Variants in STEEP1 observed in about 807,000 individuals in gnomAD.
STEEP1 encodes the protein STING1 ER exit protein 1.
In STEEP1, 3 loss-of-function variants were observed where a neutral mutation model predicts 19.2. That is an observed-to-expected ratio of 0.16 (90% CI 0.07 to 0.40). The LOEUF is 0.40. Ranked by LOEUF, STEEP1 falls within the 10% of genes least tolerant of loss-of-function variation. The pLI, the probability that STEEP1 is intolerant of heterozygous loss-of-function variation, is 0.99. For missense variants in STEEP1, 54 were observed against 177.1 expected (o/e 0.30, Z 3.94); for synonymous variants, 46 against 63.7 (o/e 0.72, Z 1.32).
At chrX:119,548,760 C>T (rs1221341253) in intron 2 of STEEP1, among the ~76,000 whole-genome samples, 1 of 111,206 alleles carries the variant, frequency 9.0e-6, no homozygotes, top group Non-Finnish European at 1.9e-5. Flanking sequence ...GATATGTGCA[C>T]TCTCATGCTC....
At chrX:119,558,378 C>CA (rs1459215565) in intron 2 of STEEP1, among the ~76,000 whole-genome samples, 4 of 108,777 alleles carry the variant, frequency 3.7e-5, no homozygotes, top group African/African-American at 1.3e-4. Context: ...ACTAAAAATA[C>CA]AAAAAAAAAT....
chrX:119,550,143 A>G (rs2053233613), intron 2 of STEEP1, among the ~76,000 whole-genome samples: 1 of 112,460 alleles, frequency 8.9e-6, no homozygotes, highest in Non-Finnish European at 1.9e-5. Context: ...TATTCCTCGA[A>G]TGAATTTCCA....
At chrX:119,540,564 TAC>T (rs1053783655) in intron 6 of STEEP1, among the ~76,000 whole-genome samples, 7 of 112,147 alleles carry the variant, frequency 6.2e-5, no homozygotes. Context: ...GGCACCATCA[TAC>T]ACAGATCCAT....
In STEEP1 at chrX:119,544,573, G is replaced by C. The variant is rs1020444790; in HGVS notation, c.285-82C>G. 1.2e-4 allele frequency: 116 copies of C among 953,797 alleles called. 1 individual carries two copies. Among genetic ancestry groups the C allele is most frequent in the Non-Finnish European group, 1.6e-4 (112 of 680,818 alleles). 78.6% of individuals were successfully genotyped at this position (953,797 alleles called of 1,213,427 possible). On this transcript the variant is annotated intron_variant, in intron 3 of 6. Coordinates refer to ENST00000644802, the MANE Select transcript of STEEP1 (RefSeq NM_022101.4). ...AATTTGCAAAGTGTGCTTAGACTCTGGGAATATTTCTGTTTGTGGCATAAA... is the reference window on the plus strand; with the variant it reads ...AATTTGCAAAGTGTGCTTAGACTCTCGGAATATTTCTGTTTGTGGCATAAA...
In STEEP1 at chrX:119,554,172, C is replaced by T. The variant is rs772910556; in HGVS notation, c.242+6096G>A. Among the ~76,000 whole-genome samples, 5 of 112,261 alleles carry T rather than the reference C, an allele frequency of 4.5e-5. No individual in the cohort carries two copies. The South Asian group carries it at 1.5e-3, about 33-fold the overall frequency. The stretch of plus-strand genomic sequence containing the variant: ...AAAACAAAACATTCTCGGCCGGGCA[C>T]GGTGGCTCACGCCTGTAATCCCAGC... On this transcript the variant is annotated intron_variant, in intron 2 of 6. Transcript: ENST00000644802.
intron 1 of STEEP1, among the ~76,000 whole-genome samples, chrX:119,562,347 C>T (rs2053325796): frequency 9.0e-6 from 1 of 111,385 alleles, no homozygotes; most frequent in African/African-American, 3.3e-5. Flanking sequence ...GCCTGACCAA[C>T]ATGGAGAAAC....
chrX:119,564,260 G>A (rs2053341221), intron 1 of STEEP1, among the ~76,000 whole-genome samples: 1 of 111,710 alleles, frequency 9.0e-6, no homozygotes, highest in Non-Finnish European at 1.9e-5. Context: ...ACCTTGGGAG[G>A]CCGAGGCGGG....
intron 1 of STEEP1, among the ~76,000 whole-genome samples, chrX:119,562,141 A>C (rs1437968017): frequency 8.9e-6 from 1 of 112,542 alleles, no homozygotes; most frequent in South Asian, 3.7e-4. Context: ...TCACGCCTGT[A>C]ATCCCAGCAC....
chrX:119,553,164 A>G (rs1293975153), intron 2 of STEEP1, among the ~76,000 whole-genome samples: 10 of 107,880 alleles, frequency 9.3e-5, no homozygotes, highest in African/African-American at 3.3e-4. Context: ...AAAAAAAAAA[A>G]AAGTGGAAAA....
chrX:119,557,338 C>T (rs895088040), intron 2 of STEEP1, among the ~76,000 whole-genome samples: 1 of 107,732 alleles, frequency 9.3e-6, no homozygotes, highest in Non-Finnish European at 1.9e-5. Context: ...TGGCTCATGC[C>T]TGTGATCCCA....
chrX:119,546,269 C>T (rs959044514), intron 2 of STEEP1, among the ~76,000 whole-genome samples: 2 of 109,139 alleles, frequency 1.8e-5, no homozygotes, highest in South Asian at 3.9e-4. Context: ...GGGGAAACTC[C>T]GTCTCTACTA....
At chrX:119,549,290 T>C (rs2053228698) in intron 2 of STEEP1, among the ~76,000 whole-genome samples, 3 of 112,041 alleles carry the variant, frequency 2.7e-5, no homozygotes, top group Admixed American at 9.6e-5. Flanking sequence ...GTGGTGATCA[T>C]TTCACAGTGT....
chrX:119,564,415 GA>G (rs1478371988), intron 1 of STEEP1, among the ~76,000 whole-genome samples: 2 of 101,789 alleles, frequency 2.0e-5, no homozygotes, highest in Non-Finnish European at 4.0e-5. Flanking sequence ...AGAATCACTT[GA>G]ATCCGGGAGG....
At chrX:119,544,215 TAAGAAA>T in intron 4 of STEEP1, 132 bp downstream of exon 4, 1 of 467,777 alleles carries the variant, frequency 2.1e-6, no homozygotes, top group Admixed American at 3.8e-5. Flanking sequence ...AGAAATAAAA[TAAGAAA>T]AAGACAAAAA....
At chrX:119,550,229 A>C (rs2053234027) in intron 2 of STEEP1, among the ~76,000 whole-genome samples, 1 of 112,207 alleles carries the variant, frequency 8.9e-6, no homozygotes, top group Admixed American at 9.6e-5. Context: ...ATTAATATGC[A>C]ATTGGAAGAA....
intron 2 of STEEP1, 130 bp from the exon 3 acceptor site, chrX:119,545,634 C>T (rs967939896): frequency 9.6e-6 from 4 of 418,354 alleles, no homozygotes; most frequent in East Asian, 4.8e-5. Flanking sequence ...CGGTGGCTCA[C>T]GCCTGTAATC....
At chrX:119,564,495 G>A (rs5910615) in intron 1 of STEEP1, among the ~76,000 whole-genome samples, 15 of 77,204 alleles carry the variant, frequency 1.9e-4, no homozygotes, top group South Asian at 8.3e-4. Flanking sequence ...GACTCCATCT[G>A]AAAAAAAAGG....
intron 2 of STEEP1, among the ~76,000 whole-genome samples, chrX:119,552,304 C>A (rs911501458): frequency 1.8e-5 from 2 of 112,157 alleles, no homozygotes; most frequent in African/African-American, 6.5e-5. Flanking sequence ...TCCCAAAGTG[C>A]TAGGATTACA....
intron 2 of STEEP1, among the ~76,000 whole-genome samples, chrX:119,546,881 A>G (rs1204067217): frequency 8.9e-6 from 1 of 111,831 alleles, no homozygotes; most frequent in African/African-American, 3.2e-5. Context: ...CGACTGTAAC[A>G]AACGGTCCTG....
Sources: allele counts gnomAD v4.1 joint callset (sites outside exome capture counted in the v4.1 genomes callset), GRCh38; gene constraint gnomAD v4.1.1; transcripts MANE v1.5; gene names NCBI Gene and HGNC (gene_info 2026-07-23, HGNC 2026-07-21).